The following CRY1 variants were observed in gnomAD, a reference collection of about 807,000 sequenced individuals.
CRY1 encodes cryptochrome circadian regulator 1.
Under a neutral mutation model 76.0 loss-of-function variants are expected in CRY1, and 45 were observed. The ratio of observed to expected loss-of-function variants is 0.59; its 90% CI spans 0.47 to 0.76. CRY1 has a LOEUF of 0.76. Ranked by LOEUF, CRY1 falls within the 30% of genes least tolerant of loss-of-function variation. The pLI, the probability that CRY1 is intolerant of heterozygous loss-of-function variation, is 0.00. For synonymous variants in CRY1, 248 were observed against 244.0 expected, an observed-to-expected ratio of 1.02 and a Z score of -0.15; for missense variants, 587 against 716.4, an observed-to-expected ratio of 0.82 and a Z score of 2.06.
At chr12:107,063,732 G>C (rs1953076836) in intron 1 of CRY1, among the ~76,000 whole-genome samples, 1 of 152,146 alleles carries the variant, frequency 6.6e-6, no homozygotes, top group East Asian at 1.9e-4. Context: ...AGAGTAGCTG[G>C]GATTACAGGC....
At chr12:107,081,102 A>C (rs909644284) in intron 1 of CRY1, among the ~76,000 whole-genome samples, 1 of 152,106 alleles carries the variant, frequency 6.6e-6, no homozygotes, top group Non-Finnish European at 1.5e-5. Context: ...CTTCCACTGA[A>C]GTTGTATACT....
At chr12:107,055,326 AATC>A (rs1405211063) in intron 1 of CRY1, among the ~76,000 whole-genome samples, 2 of 152,134 alleles carry the variant, frequency 1.3e-5, no homozygotes, top group African/African-American at 4.8e-5. Flanking sequence ...CAAAGAAAAA[AATC>A]ATAACAAAAT....
chr12:107,069,742 A>C (rs986650069), intron 1 of CRY1, among the ~76,000 whole-genome samples: 18 of 146,148 alleles, frequency 1.2e-4, no homozygotes, highest in Admixed American at 6.9e-4. Context: ...ATATATATTA[A>C]GTATATATAT....
rs1381601801 is a variant in CRY1, at chr12:107,001,189, A to G, written c.684+91T>C. ...TTCTGTTAATCCTCCCCTTTCAACA[A>G]TCTATTTGTTATTTTTAAAAGAGAG... On this transcript the variant is annotated intron_variant, in intron 5 of 12. Coordinates refer to ENST00000008527, the MANE Select transcript of CRY1 (RefSeq NM_004075.5). The G allele has an allele frequency of 4.2e-6, 4 of 944,068 alleles. No homozygotes were observed. The South Asian group carries it at 4.9e-5, about 12-fold the overall frequency. The allele number at this position is 944,068 out of a possible 1,614,324, so 58.5% of individuals were successfully genotyped here.
Position 106,997,303 on chromosome 12 carries a change from T to G in CRY1, c.1576A>C (p.Ser526Arg), listed in dbSNP as rs1414820934. 6.2e-7 allele frequency: 1 copy of G among 1,613,892 alleles called. No individual in the cohort carries two copies. Among genetic ancestry groups the G allele is most frequent in the Non-Finnish European group, 8.5e-7 (1 of 1,179,818 alleles). The change falls in exon 10 of 13, where the codon AGC becomes CGC. Residue 526 changes from serine to arginine, a missense_variant. Transcript: ENST00000008527. ...TTTCCTTTTCACTTACTTCCACTGC[T>G]GCTACAACCTGGGATATTTTCTGCA... ...YSAENIPGCS[S>R]SGSCSQGSGI... is the part of the protein sequence containing the mutation.
chr12:107,009,463 C>T (rs1455639169), intron 2 of CRY1, among the ~76,000 whole-genome samples: 4 of 150,968 alleles, frequency 2.6e-5, no homozygotes, highest in African/African-American at 7.3e-5. Flanking sequence ...TGCTTGAACC[C>T]GGGAGGTAGA....
intron 1 of CRY1, among the ~76,000 whole-genome samples, chr12:107,085,965 T>C (rs1953395472): frequency 6.6e-6 from 1 of 152,126 alleles, no homozygotes; most frequent in Non-Finnish European, 1.5e-5. Flanking sequence ...ATAAAAATGC[T>C]GATTAAAATA....
intron 1 of CRY1, among the ~76,000 whole-genome samples, chr12:107,084,224 A>G (rs1953365276): frequency 1.3e-5 from 2 of 152,238 alleles, no homozygotes; most frequent in South Asian, 2.1e-4. Flanking sequence ...ATGGATAGGA[A>G]GAATCAGCAT....
intron 2 of CRY1, among the ~76,000 whole-genome samples, chr12:107,014,924 C>T (rs1194157787): frequency 2.0e-5 from 3 of 152,110 alleles, no homozygotes; most frequent in African/African-American, 7.2e-5. Flanking sequence ...GTTGCGCAGG[C>T]TAGAGCACAG....
At chr12:106,998,622 T>G (rs1341214155) in intron 7 of CRY1, among the ~76,000 whole-genome samples, 1 of 150,578 alleles carries the variant, frequency 6.6e-6, no homozygotes, top group Non-Finnish European at 1.5e-5. Context: ...TATATTGTCT[T>G]TGTATACAAC....
At chr12:107,052,668 A>G (rs572646233) in intron 1 of CRY1, among the ~76,000 whole-genome samples, 4 of 152,338 alleles carry the variant, frequency 2.6e-5, no homozygotes, top group East Asian at 1.9e-4. Flanking sequence ...AACCTGAAGG[A>G]AAGTTGGAGA....
intron 3 of CRY1, 140 bp from the exon 4 acceptor site, chr12:107,002,088 A>G (rs1952318818): frequency 1.6e-6 from 1 of 635,684 alleles, no homozygotes. Context: ...TATAATGACC[A>G]AGAAATGTGT....
intron 1 of CRY1, among the ~76,000 whole-genome samples, chr12:107,069,561 A>T (rs1185352345): frequency 1.4e-5 from 1 of 72,900 alleles, no homozygotes; most frequent in Non-Finnish European, 2.8e-5. Context: ...TATATATATA[A>T]TATATATATA....
chr12:106,997,090 G>A (rs1566239812), intron 10 of CRY1, among the ~76,000 whole-genome samples: 1 of 152,134 alleles, frequency 6.6e-6, no homozygotes, highest in African/African-American at 2.4e-5. Flanking sequence ...TCTATTATAC[G>A]TAATGATATT....
At chr12:107,031,438 A>G (rs1249392716) in intron 1 of CRY1, among the ~76,000 whole-genome samples, 1 of 151,642 alleles carries the variant, frequency 6.6e-6, no homozygotes, top group African/African-American at 2.4e-5. Flanking sequence ...GTCACAGATG[A>G]AGACTACAAA....
At chr12:107,039,309 G>T (rs1381255562) in intron 1 of CRY1, among the ~76,000 whole-genome samples, 5 of 152,128 alleles carry the variant, frequency 3.3e-5, no homozygotes, top group African/African-American at 1.2e-4. Context: ...AAAGGAACTG[G>T]CAACAAAAGC....
At chr12:107,022,777 A>T (rs939390718) in intron 1 of CRY1, among the ~76,000 whole-genome samples, 3 of 151,946 alleles carry the variant, frequency 2.0e-5, no homozygotes, top group African/African-American at 7.2e-5. Context: ...AAAAAAAGAA[A>T]CTAATAAGTA....
intron 1 of CRY1, 134 bp downstream of exon 1, chr12:107,092,670 G>A (rs1054458649): frequency 3.9e-6 from 5 of 1,268,320 alleles, no homozygotes; most frequent in African/African-American, 3.0e-5. Context: ...AATACTTAGG[G>A]CACCTAAAAT....
At chr12:107,039,714 C>T (rs529606859) in intron 1 of CRY1, among the ~76,000 whole-genome samples, 6 of 152,184 alleles carry the variant, frequency 3.9e-5, no homozygotes, top group African/African-American at 9.6e-5. Context: ...ATGTTGGTGG[C>T]GCTGCAAAAT....
Sources: gnomAD v4.1 joint callset for allele counts (sites outside exome capture counted in the v4.1 genomes callset) on GRCh38, gnomAD v4.1.1 for gene constraint, MANE v1.5 for transcripts, NCBI Gene and HGNC (gene_info 2026-07-23, HGNC 2026-07-21) for gene names.